The following DCC variants were observed in gnomAD, a reference collection of about 807,000 sequenced individuals.
DCC encodes the protein netrin receptor DCC.
DCC carries 58 observed loss-of-function variants against 172.5 expected under a neutral mutation model. The ratio of observed to expected loss-of-function variants is 0.34; its 90% CI spans 0.27 to 0.42. The LOEUF (loss-of-function observed/expected upper bound fraction) is 0.42. Ranked by LOEUF, DCC falls within the 10% of genes least tolerant of loss-of-function variation. DCC has a pLI of 1.00. For synonymous variants in DCC, 709 were observed against 644.5 expected, an observed-to-expected ratio of 1.10 and a Z score of -1.52; for missense variants, 1,740 against 1,791.0, an observed-to-expected ratio of 0.97 and a Z score of 0.51.
At chr18:52,602,679 A>C (rs1028237486) in intron 1 of DCC, among the ~76,000 whole-genome samples, 1 of 145,044 alleles carries the variant, frequency 6.9e-6, no homozygotes, top group African/African-American at 2.5e-5. Flanking sequence ...TGCAAATACA[A>C]AAGAGACGAC....
chr18:53,055,960 T>C (rs2144054250), intron 5 of DCC, among the ~76,000 whole-genome samples: 1 of 152,256 alleles, frequency 6.6e-6, no homozygotes, highest in African/African-American at 2.4e-5. Context: ...CATCTCACAC[T>C]TGACAAGTCT....
chr18:52,868,696 G>A (rs563163333), intron 2 of DCC, among the ~76,000 whole-genome samples: 1 of 152,292 alleles, frequency 6.6e-6, no homozygotes, highest in East Asian at 1.9e-4. Context: ...TTTTGCTTAG[G>A]CCTGCTGGGC....
chr18:52,568,182 T>G (rs1317949578), intron 1 of DCC, among the ~76,000 whole-genome samples: 3 of 152,134 alleles, frequency 2.0e-5, no homozygotes, highest in Admixed American at 1.3e-4. Flanking sequence ...AAAACTACAC[T>G]TATCTTATGA....
chr18:52,437,345 C>T (rs1034581112), intron 1 of DCC, among the ~76,000 whole-genome samples: 4 of 152,110 alleles, frequency 2.6e-5, no homozygotes, highest in African/African-American at 9.7e-5. Context: ...GGGCTCTCCA[C>T]AGGCTGGCAG....
intron 3 of DCC, among the ~76,000 whole-genome samples, chr18:52,921,847 A>G (rs2040131341): frequency 6.6e-6 from 1 of 151,752 alleles, no homozygotes. Context: ...GATGTTTTTC[A>G]CAGGGGATAT....
intron 27 of DCC, among the ~76,000 whole-genome samples, chr18:53,499,991 A>G (rs2046076800): frequency 6.6e-6 from 1 of 152,230 alleles, no homozygotes; most frequent in African/African-American, 2.4e-5. Context: ...CTAGGCCACA[A>G]AGAAATGTCA....
At chr18:53,463,107 T>C (rs1025954255) in intron 24 of DCC, among the ~76,000 whole-genome samples, 26 of 152,232 alleles carry the variant, frequency 1.7e-4, no homozygotes, top group African/African-American at 5.8e-4. Context: ...CTAGCTTTGT[T>C]CTTGACTGGA....
At chr18:52,770,922 T>A (rs1260442095) in intron 2 of DCC, among the ~76,000 whole-genome samples, 1 of 152,182 alleles carries the variant, frequency 6.6e-6, no homozygotes, top group Non-Finnish European at 1.5e-5. Flanking sequence ...AGTCCAGAGA[T>A]CATTTCGTTT....
chr18:52,515,927 G>GAAAAAAA (rs1316170577), intron 1 of DCC, among the ~76,000 whole-genome samples: 4 of 75,628 alleles, frequency 5.3e-5, no homozygotes, highest in African/African-American at 7.4e-5. Flanking sequence ...GTTAGAAAAT[G>GAAAAAAA]GAAAAAAAAA....
intron 18 of DCC, among the ~76,000 whole-genome samples, chr18:53,399,347 C>G (rs1225433753): frequency 6.6e-6 from 1 of 152,048 alleles, no homozygotes; most frequent in Non-Finnish European, 1.5e-5. Context: ...GGTGATCACA[C>G]AGCTAAGGAG....
At chr18:52,970,145 C>A (rs1398365132) in intron 5 of DCC, among the ~76,000 whole-genome samples, 3 of 151,992 alleles carry the variant, frequency 2.0e-5, no homozygotes, top group Non-Finnish European at 4.4e-5. Flanking sequence ...TATTTACATA[C>A]CTACTTAAAT....
At chr18:53,128,102 A>G (rs1432674429) in intron 7 of DCC, among the ~76,000 whole-genome samples, 4 of 152,140 alleles carry the variant, frequency 2.6e-5, no homozygotes, top group Non-Finnish European at 5.9e-5. Context: ...AAGCTATGTT[A>G]CTTATGTTAA....
chr18:52,773,589 C>T (rs575116508), intron 2 of DCC, among the ~76,000 whole-genome samples: 37 of 152,146 alleles, frequency 2.4e-4, no homozygotes, highest in African/African-American at 8.4e-4. Flanking sequence ...TACAGTGGTG[C>T]GATCTCGGCT....
At chr18:52,716,471 T>C (rs1202890102) in intron 1 of DCC, among the ~76,000 whole-genome samples, 1 of 152,216 alleles carries the variant, frequency 6.6e-6, no homozygotes, top group Non-Finnish European at 1.5e-5. Context: ...CTGCTCTGCT[T>C]GTTGAAACCT....
At chr18:53,448,238 T>A (rs1472339397) in intron 22 of DCC, among the ~76,000 whole-genome samples, 1 of 152,134 alleles carries the variant, frequency 6.6e-6, no homozygotes, top group East Asian at 1.9e-4. Context: ...TGAGACTGGG[T>A]AATTTATAAA....
chr18:53,272,882 T>C (rs1046042315), intron 12 of DCC, among the ~76,000 whole-genome samples: 7 of 152,096 alleles, frequency 4.6e-5, no homozygotes, highest in Admixed American at 2.0e-4. Flanking sequence ...TCACCACAAA[T>C]TGATATATGA....
intron 5 of DCC, among the ~76,000 whole-genome samples, chr18:52,967,942 T>C (rs1446582906): frequency 6.6e-6 from 1 of 152,178 alleles, no homozygotes; most frequent in East Asian, 1.9e-4. Context: ...TAACTTGAGA[T>C]TTTAGACGCA....
intron 2 of DCC, among the ~76,000 whole-genome samples, chr18:52,862,852 C>G (rs1159946986): frequency 6.6e-6 from 1 of 152,096 alleles, no homozygotes; most frequent in Non-Finnish European, 1.5e-5. Flanking sequence ...TCTTCCCTCT[C>G]TTTTATTTCT....
chr18:52,876,883 C>T (rs989754270), intron 2 of DCC, among the ~76,000 whole-genome samples: 1 of 152,166 alleles, frequency 6.6e-6, no homozygotes, highest in Non-Finnish European at 1.5e-5. Context: ...AGTTTATCAT[C>T]TCTTGTCGCA....
Sources: gnomAD v4.1 joint callset for allele counts (sites outside exome capture counted in the v4.1 genomes callset) on GRCh38, gnomAD v4.1.1 for gene constraint, MANE v1.5 for transcripts, NCBI Gene and HGNC (gene_info 2026-07-23, HGNC 2026-07-21) for gene names.